Variants in TAPBPL observed in about 807,000 individuals in gnomAD.
TAPBPL encodes the protein tapasin-related protein.
Under a neutral mutation model 44.8 loss-of-function variants are expected in TAPBPL, and 32 were observed. That is an observed-to-expected ratio of 0.71 (90% confidence interval 0.54 to 0.96). The LOEUF is 0.96. Among genes scored for constraint, TAPBPL ranks in the 40% least tolerant of loss-of-function variants. The probability of loss-of-function intolerance (pLI) is 0.00; values close to 1 mark genes in which losing one functional copy is unlikely to be tolerated. For synonymous variants in TAPBPL, 230 were observed against 240.7 expected, an observed-to-expected ratio of 0.96 and a Z score of 0.41; for missense variants, 520 against 586.6, an observed-to-expected ratio of 0.89 and a Z score of 1.17.
At chr12:6,464,784 T>C (rs1192841007), downstream of TAPBPL, 1 of 1,582,312 alleles carries the variant, frequency 6.3e-7, no homozygotes, top group Non-Finnish European at 8.6e-7. Context: ...GCGGTCTCCA[T>C]ACCTCAGTCA....
downstream of TAPBPL, chr12:6,464,740 C>A (rs2137003712): frequency 6.6e-7 from 1 of 1,519,454 alleles, no homozygotes; most frequent in East Asian, 2.3e-5. Context: ...CTCTGCCCTT[C>A]CCCCGTCCCG....
downstream of TAPBPL, among the ~76,000 whole-genome samples, chr12:6,469,237 T>C (rs1327884109): frequency 6.6e-6 from 1 of 152,166 alleles, no homozygotes; most frequent in Non-Finnish European, 1.5e-5. Context: ...GCAATCTAGC[T>C]CTCGACTTAA....
chr12:6,470,617 G>T, downstream of TAPBPL: 3 of 1,571,838 alleles, frequency 1.9e-6, no homozygotes, highest in South Asian at 1.1e-5. Context: ...TGAAGTGGAC[G>T]GAACTGCCAA....
rs1010092748 is a variant in TAPBPL, at chr12:6,462,196, A to C, written c.*47A>C. 2.7e-6 allele frequency: 4 copies of C among 1,487,534 alleles called. No homozygotes were observed. The African/African-American group carries it at 5.6e-5, about 21-fold the overall frequency. The allele number at this position is 1,487,534 out of a possible 1,614,324, so 92.1% of individuals were successfully genotyped here. The stretch of plus-strand genomic sequence containing the variant: ...TAGAAAGAAACGACACCCTTCCCCA[A>C]GCCCCCACAGCTACTCCAACCCAAA... On this transcript the variant is annotated 3_prime_UTR_variant, in exon 7 of 7. Transcript: ENST00000266556.
At chr12:6,462,751 T>C (rs1453235839), downstream of TAPBPL, 3 of 1,438,292 alleles carry the variant, frequency 2.1e-6, no homozygotes, top group African/African-American at 4.3e-5. Flanking sequence ...CCCCCTGCAT[T>C]AGGCAAGGAG....
chr12:6,452,576 C>G (rs1260683614), intron 1 of TAPBPL: 1 of 1,364,150 alleles, frequency 7.3e-7, no homozygotes, highest in Non-Finnish European at 9.4e-7. Context: ...AGAGAGGGCA[C>G]TGGCCTGGGA....
intron 5 of TAPBPL, among the ~76,000 whole-genome samples, chr12:6,459,546 G>A (rs946521515): frequency 5.9e-5 from 9 of 152,156 alleles, no homozygotes; most frequent in African/African-American, 2.2e-4. Flanking sequence ...TTACAGGTGA[G>A]TAAACTGGCA....
At position 6,457,525 on chromosome 12, in the gene TAPBPL, C is replaced by T. The variant is rs1161833645; in HGVS notation, c.685C>T (p.Leu229=). ...GLDLISVEWR[L]QHKGRGQLVY... The stretch of plus-strand genomic sequence containing the variant: ...GGACCTCATCAGTGTGGAGTGGCGA[C>T]TGCAGCACAAGGGCAGGGGTCAGTT... Residue 229 remains leucine (L), a synonymous_variant, in exon 4 of 7, where the codon CTG becomes TTG. Transcript: ENST00000266556. 6.2e-7 allele frequency: 1 copy of T among 1,614,126 alleles called. No individual in the cohort carries two copies. The highest frequency in any genetic ancestry group is 1.3e-5 in the African/African-American group (1 of 74,942).
downstream of TAPBPL, chr12:6,464,695 A>G: frequency 1.3e-6 from 2 of 1,499,664 alleles, no homozygotes; most frequent in Admixed American, 2.5e-5. Flanking sequence ...AATGCGTTGC[A>G]GGGGGAAGGC....
chr12:6,459,729 TTTA>T (rs1244815230), intron 5 of TAPBPL, among the ~76,000 whole-genome samples: 5 of 44,702 alleles, frequency 1.1e-4, no homozygotes, highest in Non-Finnish European at 2.4e-4. Context: ...AAAGGTTTTA[TTTA>T]TTTATTTATT....
Position 6,458,959 on chromosome 12 carries a change from GTCC to G in TAPBPL, c.1207+17_1207+19del, listed in dbSNP as rs1565519421. The G allele has an allele frequency of 5.0e-6, 8 of 1,609,622 alleles. No homozygotes were observed. Among genetic ancestry groups the G allele is most frequent in the Non-Finnish European group, 5.9e-6 (7 of 1,176,946 alleles). ...GGTTGTCCCACCAGGTACTGGGAGTGTCCTCCTTTTCCCCACCTCCACACTAGG... is the reference window on the plus strand; with the variant it reads ...GGTTGTCCCACCAGGTACTGGGAGTGTCCTTTTCCCCACCTCCACACTAGG... On this transcript the variant is annotated intron_variant, in intron 5 of 6. Transcript: ENST00000266556.
downstream of TAPBPL, chr12:6,464,235 G>A (rs977217362): frequency 4.6e-6 from 7 of 1,519,764 alleles, no homozygotes; most frequent in African/African-American, 8.3e-5. Flanking sequence ...AAGCAGGCAG[G>A]GAGGAGGCGC....
chr12:6,454,462 C>T (rs1036215330), intron 3 of TAPBPL, among the ~76,000 whole-genome samples: 6 of 152,056 alleles, frequency 3.9e-5, no homozygotes. Context: ...AGTGAGACAC[C>T]GTCTCAAAAA....
Position 6,453,450 on chromosome 12 carries a change from A to C in TAPBPL, c.299A>C (p.Asp100Ala), listed in dbSNP as rs1324876569. 2.2e-5 allele frequency: 36 copies of C among 1,613,896 alleles called. No homozygotes were observed. The highest frequency in any genetic ancestry group is 2.9e-5 in the Non-Finnish European group (34 of 1,179,964). ...DPPIIFEASVDLVQIPQAEAL... is the reference protein window; with the variant it reads ...DPPIIFEASVALVQIPQAEAL... ...TGTGTGCCCTGCTTCTCCCCAGTGGACCTGGTCCAGATTCCCCAGGCCGAG... is the reference window on the plus strand; with the variant it reads ...TGTGTGCCCTGCTTCTCCCCAGTGGCCCTGGTCCAGATTCCCCAGGCCGAG... The change falls in exon 3 of 7, where the codon GAC (aspartate) becomes GCC (alanine). Residue 100 changes from aspartate to alanine, a missense_variant. By Grantham distance (126) the Asp-to-Ala change is moderately radical. Coordinates refer to ENST00000266556, the MANE Select transcript of TAPBPL (RefSeq NM_018009.5). The surrounding 1 kb of genome is among the most constrained non-coding windows in gnomAD (Gnocchi z 4.8).
At chr12:6,465,018 G>T (rs1949970071), downstream of TAPBPL, 1 of 1,595,790 alleles carries the variant, frequency 6.3e-7, no homozygotes, top group East Asian at 2.2e-5. Context: ...GTGGGAAACA[G>T]AATTCCTTCC....
rs770663501 is a variant in TAPBPL, at chr12:6,453,128, G to A, written c.126G>A (p.Ala42=). The A allele has an allele frequency of 6.9e-6, 11 of 1,591,654 alleles. 1 individual carries two copies. The highest frequency in any genetic ancestry group is 6.9e-5 in the South Asian group (6 of 87,542). Residue 42 remains alanine (A), a synonymous_variant, in exon 2 of 7, where the codon GCG becomes GCA. Transcript: ENST00000266556. This position sits in a 1 kb window ranked among gnomAD's most constrained non-coding sequence, Gnocchi z 4.8. ...AVDVVLDCFL[A]KDGAHRGALA... is the part of the protein sequence containing the mutation. ...ACGTGGTCCTAGACTGCTTCCTGGC[G>A]AAGGACGGTGCGCACCGTGGAGCTC...
intron 5 of TAPBPL, among the ~76,000 whole-genome samples, chr12:6,460,193 T>G (rs1362847431): frequency 6.6e-6 from 1 of 152,228 alleles, no homozygotes; most frequent in African/African-American, 2.4e-5. Context: ...AACTGAGGTT[T>G]CACTTCAGCT....
downstream of TAPBPL, chr12:6,464,308 G>A (rs1215199873): frequency 6.5e-7 from 1 of 1,545,392 alleles, no homozygotes; most frequent in Non-Finnish European, 8.7e-7. Flanking sequence ...AGTGTTGAGG[G>A]ACAGAGTGCA....
At position 6,458,578 on chromosome 12, in the gene TAPBPL, G is replaced by T. The variant is rs1487138211; in HGVS notation, c.905-67G>T. 9.6e-6 allele frequency: 15 copies of T among 1,554,414 alleles called. No homozygotes were observed. The East Asian group carries it at 3.2e-4, about 33-fold the overall frequency. On this transcript the variant is annotated intron_variant, in intron 4 of 6. Coordinates refer to ENST00000266556, the MANE Select transcript of TAPBPL (RefSeq NM_018009.5). Reference sequence around the variant, plus strand: ...TACTCTCATCTTGGCAGGAAGAAAAGGCTTCAGGCTCCTCCGCTGTCCCCA... The same window carrying T: ...TACTCTCATCTTGGCAGGAAGAAAATGCTTCAGGCTCCTCCGCTGTCCCCA...
Sources: allele counts gnomAD v4.1 joint callset (sites outside exome capture counted in the v4.1 genomes callset), GRCh38; gene constraint gnomAD v4.1.1; non-coding constraint Gnocchi (gnomAD v3.1); transcripts MANE v1.5; gene names NCBI Gene and HGNC (gene_info 2026-07-23, HGNC 2026-07-21).